The following C11orf65 variants were observed in gnomAD, a reference collection of about 807,000 sequenced individuals.
C11orf65 encodes chromosome 11 open reading frame 65.
A neutral mutation model predicts 35.3 loss-of-function variants in C11orf65; 38 were observed. That is an observed-to-expected ratio of 1.08 (90% CI 0.83 to 1.41). The LOEUF (loss-of-function observed/expected upper bound fraction) is 1.41. Ranked by LOEUF, C11orf65 falls within the 40% of genes most tolerant of loss-of-function variation. C11orf65 has a pLI of 0.00. For synonymous variants in C11orf65, 105 were observed against 114.4 expected (o/e 0.92, Z 0.53); for missense variants, 370 against 367.1 (o/e 1.01, Z -0.06).
chr11:108,370,619 TTTG>T (rs1338708152), intron 2 of C11orf65, among the ~76,000 whole-genome samples: 2 of 151,408 alleles, frequency 1.3e-5, no homozygotes, highest in Admixed American at 6.6e-5. Flanking sequence ...AGGGTTTTGT[TTTG>T]TTTTTTTTTA....
chr11:108,444,361 G>T (rs1403809392), intron 2 of C11orf65, among the ~76,000 whole-genome samples: 1 of 152,030 alleles, frequency 6.6e-6, no homozygotes, highest in Non-Finnish European at 1.5e-5. Context: ...AGGACCAGAC[G>T]GATTCACAGC....
chr11:108,460,222 A>G (rs1191839646), intron 2 of C11orf65, among the ~76,000 whole-genome samples: 1 of 152,236 alleles, frequency 6.6e-6, no homozygotes, highest in Non-Finnish European at 1.5e-5. Flanking sequence ...ATTAACTGAT[A>G]CAAAGGTGGT....
At chr11:108,311,278 A>G (rs2084135233) in intron 6 of C11orf65, among the ~76,000 whole-genome samples, 3 of 152,156 alleles carry the variant, frequency 2.0e-5, no homozygotes, top group Admixed American at 2.0e-4. Context: ...CCTGGTCCCA[A>G]ATTGTTTTTT....
At chr11:108,391,423 A>G (rs1591446714) in intron 7 of C11orf65, among the ~76,000 whole-genome samples, 1 of 152,178 alleles carries the variant, frequency 6.6e-6, no homozygotes, top group Non-Finnish European at 1.5e-5. Context: ...CTCGTTGCCC[A>G]GGCTGGAGTG....
chr11:108,461,736 T>C (rs2093476332), intron 1 of C11orf65, among the ~76,000 whole-genome samples, 168 bp from the exon 2 acceptor site: 1 of 152,148 alleles, frequency 6.6e-6, no homozygotes, highest in East Asian at 1.9e-4. Context: ...CAAGTGATCC[T>C]CTTGCCTTAA....
chr11:108,317,725 T>TA (rs974302551), intron 6 of C11orf65, among the ~76,000 whole-genome samples: 2 of 147,242 alleles, frequency 1.4e-5, no homozygotes, highest in African/African-American at 5.0e-5. Flanking sequence ...TATATATATA[T>TA]AAAAAAATAT....
chr11:108,367,456 C>T lies in C11orf65; in HGVS notation c.226+25752G>A, dbSNP rs941757197. ...GGTAGAAGTGGAACATTTCTCTGTC[C>T]CCCAGCTGTCATCATATAAGATAAA... On this transcript the variant is annotated intron_variant, in intron 2 of 3. Transcript: ENST00000524755. 15 of 201,672 alleles carry T rather than the reference C, an allele frequency of 7.4e-5. No homozygotes were observed. The East Asian group carries it at 1.2e-3, about 16-fold the overall frequency. The allele number at this position is 201,672 out of a possible 1,614,324, so 12.5% of individuals were successfully genotyped here. A position where few individuals can be genotyped will look rare whatever the true frequency, so the allele number is the denominator to read the frequency against.
At chr11:108,412,156 C>A (rs2092669815) in intron 3 of C11orf65, among the ~76,000 whole-genome samples, 1 of 151,962 alleles carries the variant, frequency 6.6e-6, no homozygotes, top group South Asian at 2.1e-4. Context: ...TTAAAGTATG[C>A]CTCAAAAATA....
At chr11:108,397,248 G>C (rs1362021925) in intron 6 of C11orf65, among the ~76,000 whole-genome samples, 2 of 151,496 alleles carry the variant, frequency 1.3e-5, no homozygotes, top group East Asian at 3.9e-4. Flanking sequence ...TGAACCCAGA[G>C]GCAGAGGTTG....
At chr11:108,399,795 G>A (rs2138539551) in intron 6 of C11orf65, among the ~76,000 whole-genome samples, 1 of 152,282 alleles carries the variant, frequency 6.6e-6, no homozygotes, top group East Asian at 1.9e-4. Context: ...TCCCAGGTCA[G>A]TCCATGATCA....
At chr11:108,317,813 G>A (rs917549876) in intron 6 of C11orf65, among the ~76,000 whole-genome samples, 3 of 151,320 alleles carry the variant, frequency 2.0e-5, no homozygotes, top group African/African-American at 7.3e-5. Flanking sequence ...ACCTAGGCTT[G>A]AATTTTACTC....
chr11:108,390,373 T>C (rs1264727985), intron 7 of C11orf65, among the ~76,000 whole-genome samples: 1 of 152,202 alleles, frequency 6.6e-6, no homozygotes, highest in Non-Finnish European at 1.5e-5. Context: ...CTACTATCAC[T>C]TAGCGGATGA....
At position 108,411,851 on chromosome 11, in the gene C11orf65, G is replaced by C. The variant is rs138634368; in HGVS notation, c.175-4702C>G. ...CATCCAGGCTGGAGTGCAGTGGTGT[G>C]ATCTCAGCTCACGCAACCTCCACCT... On this transcript the variant is annotated intron_variant, in intron 3 of 8. Transcript: ENST00000393084. Among the ~76,000 whole-genome samples, 10 of 150,504 alleles carry C rather than the reference G, an allele frequency of 6.6e-5. 1 individual carries two copies. Among genetic ancestry groups the C allele is most frequent in the African/African-American group, 2.4e-4 (10 of 40,930 alleles).
chr11:108,332,109 A>G, intron 3 of C11orf65: 1 of 1,565,070 alleles, frequency 6.4e-7, no homozygotes, highest in South Asian at 1.1e-5. Flanking sequence ...TCTTTTTAAA[A>G]TCTTGTGTTA....
At chr11:108,409,800 C>A (rs1484045314) in intron 3 of C11orf65, among the ~76,000 whole-genome samples, 1 of 152,152 alleles carries the variant, frequency 6.6e-6, no homozygotes, top group Non-Finnish European at 1.5e-5. Context: ...CTCTTGTGAA[C>A]TGCACACGCA....
chr11:108,349,779 G>C (rs2088959103), intron 2 of C11orf65, among the ~76,000 whole-genome samples: 1 of 152,128 alleles, frequency 6.6e-6, no homozygotes, highest in Non-Finnish European at 1.5e-5. Context: ...AGATAGGAGA[G>C]GTTTAAACCT....
At chr11:108,343,510 C>T in intron 2 of C11orf65, 1 of 1,024,918 alleles carries the variant, frequency 9.8e-7, no homozygotes, top group Non-Finnish European at 1.4e-6. Flanking sequence ...AAAAGAAAAA[C>T]TCATCAGAAT....
rs2085634007 is a variant in C11orf65 at position 108,325,963 on chromosome 11, A to G, written c.641-16892T>C. 16 of 1,464,824 alleles carry G rather than the reference A, an allele frequency of 1.1e-5. No homozygotes were observed. In the South Asian group the frequency reaches 1.8e-4, roughly 16 times the overall value. The allele number at this position is 1,464,824 out of a possible 1,614,324, so 90.7% of individuals were successfully genotyped here. A position where few individuals can be genotyped will look rare whatever the true frequency, so the allele number is the denominator to read the frequency against. ...GTCCCTGACAAGTAGTTAAGTCCTC[A>G]ATGAATGGTAGTTGCTGCTTTCATT... On this transcript the variant is annotated intron_variant, in intron 6 of 6. Transcript: ENST00000525729.
chr11:108,461,970 A>C (rs1189392968), intron 1 of C11orf65, among the ~76,000 whole-genome samples: 1 of 152,206 alleles, frequency 6.6e-6, no homozygotes, highest in African/African-American at 2.4e-5. Context: ...GAACTCAATG[A>C]AAATTAAATA....
Sources: gnomAD v4.1 joint callset for allele counts (sites outside exome capture counted in the v4.1 genomes callset) on GRCh38, gnomAD v4.1.1 for gene constraint, MANE v1.5 for transcripts, NCBI Gene and HGNC (gene_info 2026-07-23, HGNC 2026-07-21) for gene names.